VIPR2: variants seen among roughly 807,000 people sequenced by gnomAD.
VIPR2 encodes vasoactive intestinal peptide receptor 2.
VIPR2 carries 48 observed loss-of-function variants against 58.0 expected under a neutral mutation model. That is an observed-to-expected ratio of 0.83 (90% CI 0.66 to 1.05). The LOEUF is 1.05. Among genes scored for constraint, VIPR2 ranks in the 50% least tolerant of loss-of-function variants. The pLI is 0.00. For synonymous variants in VIPR2, 243 were observed against 235.2 expected, an observed-to-expected ratio of 1.03 and a Z score of -0.30; for missense variants, 534 against 558.0, an observed-to-expected ratio of 0.96 and a Z score of 0.43.
chr7:159,096,693 G>A lies in VIPR2; in HGVS notation c.357+7064C>T. On this transcript the variant is annotated intron_variant, in intron 4 of 12. Coordinates refer to ENST00000262178, the MANE Select transcript of VIPR2 (RefSeq NM_003382.5). This position sits in a 1 kb window ranked among gnomAD's most constrained non-coding sequence, Gnocchi z 5.5. ...CACATGCACAGGTTAAAACTAAACA[G>A]CAGAAAAGTGCTCATAATCCTGTCT... is the stretch of plus-strand genomic sequence containing the variant. 2.4e-6 allele frequency: 3 copies of A among 1,247,486 alleles called. No homozygotes were observed. Among genetic ancestry groups the A allele is most frequent in the Non-Finnish European group, 3.2e-6 (3 of 950,114 alleles). 77.3% of individuals were successfully genotyped at this position (1,247,486 alleles called of 1,614,324 possible).
chr7:159,137,284 ATTC>A (rs1554520889), intron 2 of VIPR2, among the ~76,000 whole-genome samples: 1 of 116,818 alleles, frequency 8.6e-6, no homozygotes, highest in South Asian at 2.7e-4. Flanking sequence ...CTCAACCATA[ATTC>A]CCTTTATGAT....
chr7:159,123,801 T>C (rs1023274154), intron 2 of VIPR2, among the ~76,000 whole-genome samples: 10 of 152,220 alleles, frequency 6.6e-5, no homozygotes, highest in African/African-American at 1.9e-4. Flanking sequence ...CTCTGTAATC[T>C]TGCCAGCATC....
At chr7:159,085,713 T>G (rs1248932797) in intron 4 of VIPR2, among the ~76,000 whole-genome samples, 1 of 137,542 alleles carries the variant, frequency 7.3e-6, no homozygotes, top group Non-Finnish European at 1.6e-5. Context: ...CTCTTTTGTT[T>G]CAGTTTTTTT....
At chr7:159,049,673 TAA>T (rs1435470385) in intron 5 of VIPR2, among the ~76,000 whole-genome samples, 5 of 152,118 alleles carry the variant, frequency 3.3e-5, no homozygotes, top group African/African-American at 4.8e-5. Flanking sequence ...GGCTGAGAAA[TAA>T]ACCAGAAAGC....
intron 4 of VIPR2, among the ~76,000 whole-genome samples, chr7:159,082,583 C>T (rs1254104342): frequency 6.6e-6 from 1 of 152,128 alleles, no homozygotes; most frequent in East Asian, 1.9e-4. Context: ...CAAACCTGCA[C>T]GTTGTGCACA....
At chr7:159,073,711 T>C (rs986472972) in intron 4 of VIPR2, among the ~76,000 whole-genome samples, 1 of 151,756 alleles carries the variant, frequency 6.6e-6, no homozygotes, top group African/African-American at 2.4e-5. Flanking sequence ...GCTCAGCCTA[T>C]CCTTTTTTTT....
intron 5 of VIPR2, among the ~76,000 whole-genome samples, chr7:159,048,719 T>C (rs183935562): frequency 2.0e-5 from 3 of 152,366 alleles, no homozygotes; most frequent in East Asian, 1.9e-4. Context: ...CTTACAATTA[T>C]GCTAGTGGCT....
intron 4 of VIPR2, among the ~76,000 whole-genome samples, chr7:159,061,498 A>C (rs1002540271): frequency 2.0e-5 from 3 of 151,908 alleles, no homozygotes; most frequent in African/African-American, 7.2e-5. Context: ...AAAAATGGAA[A>C]AATAATTAGC....
intron 4 of VIPR2, among the ~76,000 whole-genome samples, chr7:159,077,496 G>A (rs1209634068): frequency 6.7e-6 from 1 of 148,624 alleles, no homozygotes; most frequent in Non-Finnish European, 1.5e-5. Flanking sequence ...GTATTATAGT[G>A]TAACTGTTAT....
chr7:159,082,979 C>T (rs73730155), intron 4 of VIPR2, among the ~76,000 whole-genome samples: 15,076 of 152,200 alleles, frequency 0.099, 1,905 homozygotes, highest in African/African-American at 0.3. Context: ...TAATTACACA[C>T]GGTGTTATAT....
intron 2 of VIPR2, among the ~76,000 whole-genome samples, chr7:159,117,857 G>A (rs1331241508): frequency 1.3e-5 from 2 of 152,212 alleles, no homozygotes; most frequent in Admixed American, 6.5e-5. Flanking sequence ...ACCAGCGAGT[G>A]GGAAAAGGAA....
chr7:159,141,443 G>T (rs1190602371), intron 2 of VIPR2, among the ~76,000 whole-genome samples: 1 of 152,264 alleles, frequency 6.6e-6, no homozygotes, highest in African/African-American at 2.4e-5. Context: ...ACAATCTACA[G>T]CCCATTGTCC....
intron 2 of VIPR2, among the ~76,000 whole-genome samples, chr7:159,131,509 A>G (rs1796913012): frequency 6.6e-6 from 1 of 152,178 alleles, no homozygotes. Flanking sequence ...CTGGGTACCA[A>G]CTAAAGTCTC....
rs942004533 is a variant in VIPR2, at chr7:159,058,724, C to T, written c.358-146G>A. The T allele has an allele frequency of 3.4e-5, 21 of 625,376 alleles. No homozygotes were observed. In the Admixed American group the frequency reaches 5.9e-4, roughly 18 times the overall value. 38.7% of individuals were successfully genotyped at this position (625,376 alleles called of 1,614,324 possible). A position where few individuals can be genotyped will look rare whatever the true frequency, so the allele number is the denominator to read the frequency against. On this transcript the variant is annotated intron_variant, in intron 4 of 12. Coordinates refer to ENST00000262178, the MANE Select transcript of VIPR2 (RefSeq NM_003382.5). Reference sequence around the variant, plus strand: ...ACGAGATAGTCTCGCTTTATAATTCCACCTCCATTTTGAACCAAAAAATGA... The same window carrying T: ...ACGAGATAGTCTCGCTTTATAATTCTACCTCCATTTTGAACCAAAAAATGA...
rs139342803 is a variant in VIPR2 at position 159,140,049 on chromosome 7, G to C, written c.151+2397C>G. 1.1e-3 allele frequency among the ~76,000 whole-genome samples: 166 copies of C among 152,134 alleles called. 1 individual carries two copies. Among genetic ancestry groups the C allele is most frequent in the Middle Eastern group, 3.4e-3 (1 of 294 alleles). On this transcript the variant is annotated intron_variant, in intron 2 of 12. Coordinates refer to ENST00000262178, the MANE Select transcript of VIPR2 (RefSeq NM_003382.5). ...GTAAGAGAGCTTAGAATTGAAATTG[G>C]TTTCTGTCTGGATTTACGTGTTTTT...
At chr7:159,132,790 A>C (rs13228297) in intron 2 of VIPR2, among the ~76,000 whole-genome samples, 1,412 of 99,344 alleles carry the variant, frequency 0.014, 28 homozygotes, top group African/African-American at 0.039. Flanking sequence ...ATTGGCATAC[A>C]GACTGATTTC....
At position 159,033,377 on chromosome 7, in the gene VIPR2, G is replaced by A. The variant is rs897736034; in HGVS notation, c.971+836C>T. 4.6e-5 allele frequency among the ~76,000 whole-genome samples: 7 copies of A among 152,186 alleles called. No homozygotes were observed. The East Asian group carries it at 5.8e-4, about 13-fold the overall frequency. On this transcript the variant is annotated intron_variant, in intron 10 of 12. Transcript: ENST00000262178. Reference sequence around the variant, plus strand: ...CCATGGTACAGCTCTGTGCACAGCCGCCCTTCCACCCCCGGTCAGTCTGAG... The same window carrying A: ...CCATGGTACAGCTCTGTGCACAGCCACCCTTCCACCCCCGGTCAGTCTGAG...
chr7:159,088,305 A>G (rs142113740), intron 4 of VIPR2, among the ~76,000 whole-genome samples: 7 of 152,060 alleles, frequency 4.6e-5, no homozygotes, highest in South Asian at 2.1e-4. Flanking sequence ...CCGCATACCC[A>G]CTGCAGCACA....
At chr7:159,038,196 C>T (rs1213129995) in intron 6 of VIPR2, among the ~76,000 whole-genome samples, 2 of 152,002 alleles carry the variant, frequency 1.3e-5, no homozygotes, top group Non-Finnish European at 2.9e-5. Flanking sequence ...CCCCTGAGCC[C>T]TGCAGGCTGC....
Sources: allele counts gnomAD v4.1 joint callset (sites outside exome capture counted in the v4.1 genomes callset), GRCh38; gene constraint gnomAD v4.1.1; non-coding constraint Gnocchi (gnomAD v3.1); transcripts MANE v1.5; gene names NCBI Gene and HGNC (gene_info 2026-07-23, HGNC 2026-07-21).